GPHN: variants seen among roughly 807,000 people sequenced by gnomAD.
GPHN encodes the protein gephyrin.
In GPHN, 17 loss-of-function variants were observed where a neutral mutation model predicts 95.5. That is an observed-to-expected ratio of 0.18 (90% CI 0.12 to 0.27). GPHN has a LOEUF of 0.27. Among genes scored for constraint, GPHN ranks in the 10% least tolerant of loss-of-function variants. The probability of loss-of-function intolerance (pLI) is 1.00; values close to 1 mark genes in which losing one functional copy is unlikely to be tolerated. For missense variants in GPHN, 660 were observed against 978.1 expected (o/e 0.67, Z 4.34); for synonymous variants, 320 against 322.5 (o/e 0.99, Z 0.08).
chr14:66,783,797 A>G (rs1394225965), intron 3 of GPHN, among the ~76,000 whole-genome samples: 1 of 152,212 alleles, frequency 6.6e-6, no homozygotes, highest in Non-Finnish European at 1.5e-5. Context: ...ACAGTCTTAA[A>G]TTAAGCAGTG....
At chr14:67,727,149 C>T in the GPHN span, 2 of 1,614,048 alleles carry the variant, frequency 1.2e-6, no homozygotes, top group Admixed American at 1.7e-5. Flanking sequence ...AGCAAGCTGG[C>T]CAATGTGCTT....
chr14:66,547,542 A>G (rs2059646657), intron 1 of GPHN, among the ~76,000 whole-genome samples: 1 of 152,232 alleles, frequency 6.6e-6, no homozygotes, highest in African/African-American at 2.4e-5. Context: ...TTGAAAAAGT[A>G]TAGCCCTTTA....
At chr14:66,736,608 C>T (rs2072309023) in intron 2 of GPHN, among the ~76,000 whole-genome samples, 1 of 151,846 alleles carries the variant, frequency 6.6e-6, no homozygotes, top group Non-Finnish European at 1.5e-5. Flanking sequence ...TCATGTTGTA[C>T]AGGCTGATGA....
At chr14:67,407,482 C>T in the GPHN span, among the ~76,000 whole-genome samples, 12 of 151,670 alleles carry the variant, frequency 7.9e-5, no homozygotes, top group African/African-American at 2.9e-4. Flanking sequence ...ATTTGGTTGC[C>T]GAGGCTGGAG....
the GPHN span, among the ~76,000 whole-genome samples, chr14:67,605,830 G>A: frequency 3.6e-3 from 546 of 151,862 alleles, 4 homozygotes; most frequent in African/African-American, 0.013. Flanking sequence ...CCACAGGTGC[G>A]CACCCCCATG....
intron 2 of GPHN, among the ~76,000 whole-genome samples, chr14:66,730,873 CT>C (rs1190516913): frequency 3.9e-5 from 6 of 152,204 alleles, no homozygotes; most frequent in Admixed American, 2.0e-4. Flanking sequence ...CTACCTAAAT[CT>C]TACCTCAAAT....
chr14:67,023,960 CAA>C (rs2073796677), intron 10 of GPHN, among the ~76,000 whole-genome samples: 2 of 152,020 alleles, frequency 1.3e-5, no homozygotes, highest in South Asian at 4.2e-4. Flanking sequence ...GTTCCACTGC[CAA>C]AAGTTATTTG....
At chr14:67,370,598 C>T in the GPHN span, among the ~76,000 whole-genome samples, 1 of 152,150 alleles carries the variant, frequency 6.6e-6, no homozygotes. Context: ...TGCCAATCAT[C>T]TCAACAAATC....
intron 5 of GPHN, among the ~76,000 whole-genome samples, chr14:66,894,788 C>G (rs936644452): frequency 6.6e-6 from 1 of 152,144 alleles, no homozygotes; most frequent in Non-Finnish European, 1.5e-5. Flanking sequence ...CAGAGAAATG[C>G]AAATCAAAAC....
chr14:66,919,891 C>A (rs2066117842), intron 6 of GPHN, among the ~76,000 whole-genome samples: 1 of 151,868 alleles, frequency 6.6e-6, no homozygotes, highest in Non-Finnish European at 1.5e-5. Context: ...ATGGTGAAAC[C>A]CCATCTCTAC....
the GPHN span, among the ~76,000 whole-genome samples, chr14:67,621,140 C>G: frequency 2.0e-5 from 3 of 152,180 alleles, no homozygotes; most frequent in Non-Finnish European, 4.4e-5. Flanking sequence ...CAGGGAAAGT[C>G]TTCTTGCAAT....
chr14:67,695,654 A>G, the GPHN span: 5 of 1,614,176 alleles, frequency 3.1e-6, no homozygotes, highest in Admixed American at 8.3e-5. Flanking sequence ...AGCCATATAC[A>G]GAAGGAAGGG....
At chr14:67,473,035 G>A in the GPHN span, 5 of 226,530 alleles carry the variant, frequency 2.2e-5, no homozygotes, top group East Asian at 3.1e-4. This position sits in a 1 kb window ranked among gnomAD's most constrained non-coding sequence, Gnocchi z 6.5. Flanking sequence ...AATCCAGATC[G>A]GAGGGAGGGA....
Position 66,993,216 on chromosome 14 carries a change from C to G in GPHN, c.963+27891C>G, listed in dbSNP as rs143428378. On this transcript the variant is annotated intron_variant, in intron 9 of 22. Coordinates refer to ENST00000478722, the MANE Select transcript of GPHN (RefSeq NM_020806.5). Reference sequence around the variant, plus strand: ...TTTTTATTTTCTTCTTTTTTATTGTCTTCTCTAGCTATTCTCTCTCTCTCT... The same window carrying G: ...TTTTTATTTTCTTCTTTTTTATTGTGTTCTCTAGCTATTCTCTCTCTCTCT... 5.3e-4 allele frequency among the ~76,000 whole-genome samples: 80 copies of G among 151,900 alleles called. No homozygotes were observed. In the East Asian group the frequency reaches 0.012, roughly 23 times the overall value.
rs533024752 is a variant in GPHN, at chr14:67,143,286, G to A, written c.1749-76G>A. 1,128 of 876,712 alleles carry A rather than the reference G, an allele frequency of 1.3e-3. 4 individuals are homozygous for A. The highest frequency in any genetic ancestry group is 1.8e-3 in the Non-Finnish European group (935 of 510,158). The allele number at this position is 876,712 out of a possible 1,614,324, so 54.3% of individuals were successfully genotyped here. On this transcript the variant is annotated intron_variant, in intron 17 of 22. Transcript: ENST00000478722. The stretch of plus-strand genomic sequence containing the variant: ...GTTAATGCCTATTAGTGAATAAGGC[G>A]ATGTAGTTTTAAGTTGGCACTATAT...
At chr14:67,259,276 C>T in the GPHN span, among the ~76,000 whole-genome samples, 1 of 151,644 alleles carries the variant, frequency 6.6e-6, no homozygotes, top group African/African-American at 2.4e-5. Flanking sequence ...TTACTTTAGC[C>T]CAAAGTGAAT....
At chr14:67,437,544 G>A in the GPHN span, among the ~76,000 whole-genome samples, 6 of 152,160 alleles carry the variant, frequency 3.9e-5, no homozygotes, top group African/African-American at 9.7e-5. Flanking sequence ...ACCTCACGGC[G>A]GCTGTACGTC....
chr14:67,527,727 G>C, the GPHN span, among the ~76,000 whole-genome samples: 1 of 152,174 alleles, frequency 6.6e-6, no homozygotes, highest in Admixed American at 6.5e-5. Context: ...CTTATCTCCA[G>C]GCTGAGGATG....
intron 2 of GPHN, among the ~76,000 whole-genome samples, chr14:66,750,373 A>G (rs17780526): frequency 0.059 from 8,916 of 151,936 alleles, 357 homozygotes; most frequent in Middle Eastern, 0.099. Flanking sequence ...GCAAGGACAT[A>G]TCACTACTCT....
Sources: allele counts gnomAD v4.1 joint callset (sites outside exome capture counted in the v4.1 genomes callset), GRCh38; gene constraint gnomAD v4.1.1; non-coding constraint Gnocchi (gnomAD v3.1); transcripts MANE v1.5; gene names NCBI Gene and HGNC (gene_info 2026-07-23, HGNC 2026-07-21).